The following PAK4 variants were observed in gnomAD, a reference collection of about 807,000 sequenced individuals.
PAK4 encodes the protein serine/threonine-protein kinase PAK 4.
PAK4 carries 49 observed loss-of-function variants against 53.5 expected under a neutral mutation model. The observed-to-expected ratio is 0.92, with a 90% CI of 0.73 to 1.16. The LOEUF (loss-of-function observed/expected upper bound fraction) is 1.16. Ranked by LOEUF, PAK4 falls within the 50% of genes most tolerant of loss-of-function variation. The pLI is 0.00. For synonymous variants in PAK4, 376 were observed against 375.6 expected, an observed-to-expected ratio of 1.00 and a Z score of -0.01; for missense variants, 824 against 850.7, an observed-to-expected ratio of 0.97 and a Z score of 0.39.
chr19:39,146,414 C>G (rs550056998), intron 1 of PAK4, among the ~76,000 whole-genome samples: 1 of 152,270 alleles, frequency 6.6e-6, no homozygotes, highest in South Asian at 2.1e-4. Flanking sequence ...AACATTGTCC[C>G]AAGGAGAGCA....
chr19:39,171,389 A>G (rs2074476531), intron 2 of PAK4, among the ~76,000 whole-genome samples: 2 of 152,096 alleles, frequency 1.3e-5, no homozygotes, highest in South Asian at 4.1e-4. Context: ...TTGTATTTTT[A>G]GTAGAGACGG....
chr19:39,151,402 C>T (rs529373163), intron 1 of PAK4, among the ~76,000 whole-genome samples: 11 of 152,358 alleles, frequency 7.2e-5, no homozygotes, highest in Admixed American at 6.5e-4. Context: ...GCCCTGGCAC[C>T]GCCGAGGGGC....
chr19:39,165,172 C>A (rs1297246035), intron 1 of PAK4, among the ~76,000 whole-genome samples: 1 of 106,312 alleles, frequency 9.4e-6, no homozygotes, highest in Non-Finnish European at 2.0e-5. Context: ...CAGGACCAGC[C>A]TTGAGAGGAT....
intron 4 of PAK4, 117 bp downstream of exon 5, chr19:39,174,127 C>T (rs2074553721): frequency 1.4e-6 from 1 of 710,350 alleles, no homozygotes. Context: ...TCCCCTCCTC[C>T]CCTCACTCTT....
At chr19:39,170,339 T>TG (rs1291321746) in intron 2 of PAK4, among the ~76,000 whole-genome samples, 1 of 148,866 alleles carries the variant, frequency 6.7e-6, no homozygotes, top group East Asian at 1.9e-4. Context: ...TGTGAAACGC[T>TG]GGGGGCTTTT....
intron 1 of PAK4, among the ~76,000 whole-genome samples, chr19:39,141,637 TTTG>T (rs1238523096): frequency 4.7e-5 from 7 of 149,520 alleles, no homozygotes; most frequent in South Asian, 2.1e-4. Flanking sequence ...TCATTTGTTT[TTTG>T]TTGTTGTTGT....
chr19:39,167,656 C>G (rs540913082), intron 1 of PAK4, among the ~76,000 whole-genome samples: 2 of 152,178 alleles, frequency 1.3e-5, no homozygotes, highest in Non-Finnish European at 2.9e-5. Flanking sequence ...TTGGGACCAG[C>G]TGAGACAGGT....
intron 1 of PAK4, among the ~76,000 whole-genome samples, chr19:39,143,592 CAAAAAAAAAAAAAAAA>C (rs544304301): frequency 4.9e-5 from 1 of 20,432 alleles, no homozygotes; most frequent in Non-Finnish European, 8.9e-5. Context: ...GACTCTGTCT[CAAAAAAAAAAAAAAAA>C]AAAAAAAAAA....
intron 1 of PAK4, among the ~76,000 whole-genome samples, chr19:39,151,323 A>G (rs1482569286): frequency 1.3e-5 from 2 of 152,236 alleles, no homozygotes; most frequent in Non-Finnish European, 2.9e-5. Flanking sequence ...GAGGGGGGCC[A>G]CACCTCACAT....
downstream of PAK4, chr19:39,182,816 C>CA (rs35892153): frequency 0.021 from 2,406 of 116,838 alleles, 24 homozygotes; most frequent in African/African-American, 0.035. Context: ...GAGATTCTGT[C>CA]AAAAAAAAAA....
In PAK4 at chr19:39,172,917, G is replaced by T. The variant is rs1258700225; in HGVS notation, c.205-1G>T. On this transcript the variant is annotated splice_acceptor_variant, in intron 2 of 8. Transcript: ENST00000358301. LOFTEE classifies it high-confidence loss of function. ...CCACCCACCATTGCCTGGGACCCCA[G>T]ACCATCGTGCGGGGCAGCAAAGGTG... The T allele has an allele frequency of 6.6e-7, 1 of 1,526,704 alleles. No homozygotes were observed. The highest frequency in any genetic ancestry group is 8.8e-7 in the Non-Finnish European group (1 of 1,130,104). The allele number at this position is 1,526,704 out of a possible 1,614,324, so 94.6% of individuals were successfully genotyped here.
chr19:39,163,678 C>T (rs924277326), intron 1 of PAK4, among the ~76,000 whole-genome samples: 2 of 152,180 alleles, frequency 1.3e-5, no homozygotes, highest in Non-Finnish European at 2.9e-5. Context: ...ATACAAAATG[C>T]GCTTGCATTT....
chr19:39,152,805 G>C (rs191014968), intron 1 of PAK4, among the ~76,000 whole-genome samples: 2 of 152,108 alleles, frequency 1.3e-5, no homozygotes, highest in Admixed American at 6.6e-5. Context: ...TGGAACATAC[G>C]CCTTGCAGAT....
downstream of PAK4, chr19:39,181,659 A>G (rs1189282282): frequency 6.6e-6 from 1 of 152,232 alleles, no homozygotes; most frequent in Non-Finnish European, 1.5e-5. Flanking sequence ...CTACAGATCC[A>G]TGTTTCAGGC....
rs141984573 is a variant in PAK4, at chr19:39,139,968, C to T, written c.-23+14049C>T. Among the ~76,000 whole-genome samples the T allele has an allele frequency of 1.8e-4, 28 of 152,300 alleles. No homozygotes were observed. In the East Asian group the frequency reaches 4.4e-3, roughly 24 times the overall value. On this transcript the variant is annotated intron_variant, in intron 1 of 8. Transcript: ENST00000358301. ...CTTCTGACATGGAGGGGTTAAGTCA[C>T]GGCACGCTACGGGGACATGTGACTG... is the stretch of plus-strand genomic sequence containing the variant.
intron 1 of PAK4, among the ~76,000 whole-genome samples, chr19:39,132,117 G>A (rs1002376744): frequency 6.6e-6 from 1 of 152,246 alleles, no homozygotes; most frequent in South Asian, 2.1e-4. Context: ...GCACGCGTGT[G>A]CTGTGAGTCT....
At chr19:39,143,220 G>A (rs913547964) in intron 1 of PAK4, among the ~76,000 whole-genome samples, 1 of 151,300 alleles carries the variant, frequency 6.6e-6, no homozygotes, top group Admixed American at 6.6e-5. Context: ...TGTGTCCCTG[G>A]TGCCTAGAAC....
intron 1 of PAK4, among the ~76,000 whole-genome samples, chr19:39,133,116 G>C (rs576277021): frequency 2.0e-5 from 3 of 152,274 alleles, no homozygotes; most frequent in Non-Finnish European, 4.4e-5. Context: ...TTGGCCTCCG[G>C]AGCCAGCTTT....
intron 6 of PAK4, 36 bp from the exon 8 acceptor site, chr19:39,176,554 A>G (rs2074608753): frequency 6.2e-7 from 1 of 1,613,070 alleles, no homozygotes; most frequent in Non-Finnish European, 8.5e-7. Context: ...CTGCTGTGCC[A>G]GCTCCTCTGA....
Sources: gnomAD v4.1 joint callset for allele counts (sites outside exome capture counted in the v4.1 genomes callset) on GRCh38, gnomAD v4.1.1 for gene constraint, MANE v1.5 for transcripts, NCBI Gene and HGNC (gene_info 2026-07-23, HGNC 2026-07-21) for gene names.